Variants in FSTL5 observed in about 807,000 individuals in gnomAD.
The protein encoded by FSTL5 is follistatin-related protein 5.
A neutral mutation model predicts 89.1 loss-of-function variants in FSTL5; 62 were observed. The observed-to-expected ratio is 0.70, with a 90% CI of 0.57 to 0.86. The LOEUF (loss-of-function observed/expected upper bound fraction) is 0.86. FSTL5 is among the 40% of genes least tolerant of loss of function. FSTL5 has a pLI of 0.00. For missense variants in FSTL5, 1,057 were observed against 1,001.6 expected, an observed-to-expected ratio of 1.06 and a Z score of -0.75; for synonymous variants, 383 against 346.2, an observed-to-expected ratio of 1.11 and a Z score of -1.18.
chr4:161,806,944 A>G (rs1325369635), intron 4 of FSTL5, among the ~76,000 whole-genome samples: 1 of 152,112 alleles, frequency 6.6e-6, no homozygotes. Flanking sequence ...ACCATAGTAG[A>G]CCTATTAACA....
At chr4:161,527,080 A>C (rs1333467940) in intron 10 of FSTL5, among the ~76,000 whole-genome samples, 5 of 152,150 alleles carry the variant, frequency 3.3e-5, no homozygotes, top group Non-Finnish European at 7.3e-5. Context: ...ATGAGCAAGG[A>C]ATGTTCTTCC....
intron 8 of FSTL5, among the ~76,000 whole-genome samples, chr4:161,576,575 A>G (rs1303426135): frequency 6.6e-6 from 1 of 152,214 alleles, no homozygotes; most frequent in Non-Finnish European, 1.5e-5. Context: ...CTGGGAAATG[A>G]TTCCCTATTT....
chr4:162,034,647 G>A (rs979346862), intron 2 of FSTL5, among the ~76,000 whole-genome samples: 1 of 151,952 alleles, frequency 6.6e-6, no homozygotes, highest in Non-Finnish European at 1.5e-5. Flanking sequence ...AAGTTTCAGG[G>A]TCTCACACTG....
At chr4:162,053,358 G>C (rs1283188402) in intron 2 of FSTL5, among the ~76,000 whole-genome samples, 1 of 151,702 alleles carries the variant, frequency 6.6e-6, no homozygotes, top group Non-Finnish European at 1.5e-5. Context: ...AAGTTAAAAT[G>C]GTCTTTTTTT....
At chr4:161,565,956 G>A (rs1038760038) in intron 8 of FSTL5, among the ~76,000 whole-genome samples, 1 of 150,856 alleles carries the variant, frequency 6.6e-6, no homozygotes, top group African/African-American at 2.4e-5. Context: ...TGGGTTGAAT[G>A]ATAGATCTAC....
intron 7 of FSTL5, among the ~76,000 whole-genome samples, chr4:161,624,971 T>C (rs1466481528): frequency 1.5e-4 from 23 of 152,106 alleles, no homozygotes; most frequent in Admixed American, 1.5e-3. Context: ...GACCATTTTG[T>C]CCAGCATCAA....
At chr4:161,437,462 G>C (rs1732599773) in intron 15 of FSTL5, among the ~76,000 whole-genome samples, 1 of 150,668 alleles carries the variant, frequency 6.6e-6, no homozygotes. Flanking sequence ...AGCTACTCGG[G>C]AGGCTGAGGC....
intron 4 of FSTL5, among the ~76,000 whole-genome samples, chr4:161,821,660 C>T (rs1362858632): frequency 2.6e-5 from 4 of 152,150 alleles, no homozygotes; most frequent in Non-Finnish European, 5.9e-5. Context: ...TGAGTGAGAA[C>T]ATATGATATT....
intron 6 of FSTL5, among the ~76,000 whole-genome samples, chr4:161,708,892 T>C (rs955796119): frequency 3.9e-5 from 6 of 152,164 alleles, no homozygotes; most frequent in African/African-American, 9.6e-5. Context: ...AACAGTCCAA[T>C]AATATACAAA....
intron 6 of FSTL5, among the ~76,000 whole-genome samples, chr4:161,706,695 A>G (rs1171651924): frequency 6.6e-6 from 1 of 152,020 alleles, no homozygotes; most frequent in East Asian, 1.9e-4. Context: ...TTATTTTCTA[A>G]CAAAAGTGAT....
intron 10 of FSTL5, among the ~76,000 whole-genome samples, chr4:161,527,212 T>C (rs1731252484): frequency 6.6e-6 from 1 of 152,186 alleles, no homozygotes; most frequent in Admixed American, 6.6e-5. Context: ...CAATTGTGAA[T>C]GGGAGTTCAC....
chr4:161,852,121 T>C (rs1731572967), intron 4 of FSTL5, among the ~76,000 whole-genome samples: 1 of 152,070 alleles, frequency 6.6e-6, no homozygotes, highest in South Asian at 2.1e-4. Context: ...TTAATGACAC[T>C]GACCCTCACC....
intron 10 of FSTL5, among the ~76,000 whole-genome samples, chr4:161,524,826 C>T (rs1206118222): frequency 6.6e-6 from 1 of 151,938 alleles, no homozygotes; most frequent in Non-Finnish European, 1.5e-5. Context: ...GAGGTGGTGG[C>T]AGACGCCTGT....
intron 6 of FSTL5, among the ~76,000 whole-genome samples, chr4:161,726,756 C>A (rs2126757822): frequency 6.6e-6 from 1 of 151,966 alleles, no homozygotes; most frequent in African/African-American, 2.4e-5. Context: ...AATTAGCTAA[C>A]AACTTTACTA....
At chr4:161,836,802 A>C (rs1187633102) in intron 4 of FSTL5, among the ~76,000 whole-genome samples, 1 of 152,076 alleles carries the variant, frequency 6.6e-6, no homozygotes, top group Non-Finnish European at 1.5e-5. Flanking sequence ...AAAAAAGGAG[A>C]TATATGAAGA....
intron 15 of FSTL5, among the ~76,000 whole-genome samples, chr4:161,407,122 G>A (rs976268569): frequency 2.0e-5 from 3 of 152,148 alleles, no homozygotes; most frequent in African/African-American, 7.2e-5. Context: ...AAACTAGATA[G>A]AGATGATGGT....
At chr4:161,608,403 G>C (rs1734527118) in intron 7 of FSTL5, among the ~76,000 whole-genome samples, 2 of 152,006 alleles carry the variant, frequency 1.3e-5, no homozygotes, top group African/African-American at 4.8e-5. Flanking sequence ...AGATGTTCTG[G>C]AGTTCTTTTA....
intron 6 of FSTL5, among the ~76,000 whole-genome samples, chr4:161,739,092 C>T (rs939437182): frequency 2.0e-5 from 3 of 152,152 alleles, no homozygotes; most frequent in African/African-American, 4.8e-5. Flanking sequence ...ATGTGTTTAA[C>T]GTATTCCTCC....
intron 4 of FSTL5, among the ~76,000 whole-genome samples, chr4:161,809,417 A>G (rs1346893216): frequency 6.6e-6 from 1 of 152,214 alleles, no homozygotes; most frequent in Non-Finnish European, 1.5e-5. Context: ...TATGGAAAAG[A>G]CTATGGTGGT....
Sources: gnomAD v4.1 joint callset for allele counts (sites outside exome capture counted in the v4.1 genomes callset) on GRCh38, gnomAD v4.1.1 for gene constraint, MANE v1.5 for transcripts, NCBI Gene and HGNC (gene_info 2026-07-23, HGNC 2026-07-21) for gene names.